Variants in CSMD1 observed in about 807,000 individuals in gnomAD.
CSMD1 encodes the protein CUB and Sushi multiple domains 1.
Under a neutral mutation model 417.5 loss-of-function variants are expected in CSMD1, and 213 were observed. That is an observed-to-expected ratio of 0.51 (90% CI 0.46 to 0.57). CSMD1 has a LOEUF of 0.57. Among genes scored for constraint, CSMD1 ranks in the 20% least tolerant of loss-of-function variants. The probability of loss-of-function intolerance (pLI) is 0.00; values close to 1 mark genes in which losing one functional copy is unlikely to be tolerated. For missense variants in CSMD1, 6,923 were observed against 4,529.7 expected (o/e 1.53, Z -15.17); for synonymous variants, 2,862 against 1,736.8 (o/e 1.65, Z -16.11).
intron 3 of CSMD1, among the ~76,000 whole-genome samples, chr8:4,185,738 G>C (rs911580021): frequency 6.6e-6 from 1 of 152,182 alleles, no homozygotes; most frequent in Non-Finnish European, 1.5e-5. Flanking sequence ...TCATGCCTTT[G>C]AAGAGCTATC....
intron 7 of CSMD1, among the ~76,000 whole-genome samples, chr8:3,696,068 AT>A (rs1800535565): frequency 6.6e-6 from 1 of 151,728 alleles, no homozygotes; most frequent in African/African-American, 2.4e-5. Flanking sequence ...AGATTTTCTT[AT>A]GGGGGACAGG....
chr8:4,866,037 G>A (rs1585233774), intron 1 of CSMD1, among the ~76,000 whole-genome samples: 1 of 151,972 alleles, frequency 6.6e-6, no homozygotes, highest in East Asian at 1.9e-4. Flanking sequence ...GTCATATTAA[G>A]TCTCTCAGTT....
intron 23 of CSMD1, among the ~76,000 whole-genome samples, chr8:3,309,656 G>A (rs1805174865): frequency 6.6e-6 from 1 of 152,088 alleles, no homozygotes; most frequent in South Asian, 2.1e-4. Flanking sequence ...GGGACCACAT[G>A]GTCTCTTTCC....
At chr8:3,136,534 G>A (rs1818101945) in intron 41 of CSMD1, among the ~76,000 whole-genome samples, 2 of 152,042 alleles carry the variant, frequency 1.3e-5, no homozygotes, top group South Asian at 2.1e-4. Flanking sequence ...CAAAGTGCTG[G>A]GATTACAGAC....
intron 44 of CSMD1, among the ~76,000 whole-genome samples, chr8:3,108,181 TGA>T (rs1816268001): frequency 6.6e-6 from 1 of 152,160 alleles, no homozygotes; most frequent in African/African-American, 2.4e-5. Flanking sequence ...GCAGTGTTCG[TGA>T]GAGATAAGCG....
At chr8:4,859,909 G>A (rs1215222757) in intron 1 of CSMD1, among the ~76,000 whole-genome samples, 5 of 152,086 alleles carry the variant, frequency 3.3e-5, no homozygotes, top group Admixed American at 6.6e-5. Context: ...CCCATTACTG[G>A]GTATATACCC....
At chr8:3,175,857 G>A (rs911969641) in intron 37 of CSMD1, among the ~76,000 whole-genome samples, 1 of 152,138 alleles carries the variant, frequency 6.6e-6, no homozygotes, top group Non-Finnish European at 1.5e-5. Flanking sequence ...TGTGAATTAG[G>A]AGAAAAAGTA....
At chr8:3,971,536 A>C (rs1813089626) in intron 5 of CSMD1, among the ~76,000 whole-genome samples, 1 of 152,204 alleles carries the variant, frequency 6.6e-6, no homozygotes, top group Non-Finnish European at 1.5e-5. Flanking sequence ...TTTAAATATG[A>C]AGCAGTCAAA....
At chr8:4,045,394 A>G (rs1798098830) in intron 3 of CSMD1, among the ~76,000 whole-genome samples, 1 of 152,202 alleles carries the variant, frequency 6.6e-6, no homozygotes, top group Non-Finnish European at 1.5e-5. Context: ...ACAGTGCTAC[A>G]TTACCGATCA....
At chr8:3,648,187 A>T (rs1222160064) in intron 7 of CSMD1, among the ~76,000 whole-genome samples, 2 of 152,184 alleles carry the variant, frequency 1.3e-5, no homozygotes, top group African/African-American at 4.8e-5. Flanking sequence ...AAATGTACAT[A>T]TGTGTATATT....
At chr8:3,009,994 T>C (rs1178190530) in intron 52 of CSMD1, among the ~76,000 whole-genome samples, 1 of 152,230 alleles carries the variant, frequency 6.6e-6, no homozygotes, top group Non-Finnish European at 1.5e-5. Flanking sequence ...ATGTAGTTCC[T>C]GAATATACCC....
chr8:3,735,193 C>T (rs982730111), intron 6 of CSMD1, among the ~76,000 whole-genome samples: 18 of 152,318 alleles, frequency 1.2e-4, no homozygotes, highest in Middle Eastern at 3.4e-3. Context: ...CACACGGTAA[C>T]GGGCAAGTTG....
At chr8:3,215,786 T>C (rs1797847319) in intron 29 of CSMD1, among the ~76,000 whole-genome samples, 1 of 151,766 alleles carries the variant, frequency 6.6e-6, no homozygotes, top group African/African-American at 2.4e-5. Flanking sequence ...ATAAATATAA[T>C]GGGAGAGGAA....
intron 1 of CSMD1, among the ~76,000 whole-genome samples, chr8:4,961,583 C>G (rs1321773834): frequency 1.3e-5 from 2 of 152,132 alleles, no homozygotes; most frequent in Non-Finnish European, 2.9e-5. Flanking sequence ...ATCTAGTGCT[C>G]ATGGTTACTG....
intron 28 of CSMD1, among the ~76,000 whole-genome samples, chr8:3,222,347 GC>G (rs1404035630): frequency 3.3e-5 from 5 of 151,406 alleles, no homozygotes; most frequent in Non-Finnish European, 7.4e-5. Context: ...CCAAGGTCTT[GC>G]TCTGTTGCTC....
At chr8:4,905,803 G>C (rs1030137815) in intron 1 of CSMD1, among the ~76,000 whole-genome samples, 13 of 131,198 alleles carry the variant, frequency 9.9e-5, no homozygotes, top group East Asian at 5.1e-4. Context: ...CTGGGCCACA[G>C]AGCGAGACTC....
intron 5 of CSMD1, among the ~76,000 whole-genome samples, chr8:3,872,698 T>G (rs1449830370): frequency 6.6e-6 from 1 of 152,270 alleles, no homozygotes; most frequent in South Asian, 2.1e-4. Context: ...TCGTGCTACT[T>G]AGAAGGCCTT....
intron 6 of CSMD1, among the ~76,000 whole-genome samples, chr8:3,746,645 AATTT>A (rs1273704885): frequency 1.3e-5 from 2 of 152,126 alleles, no homozygotes; most frequent in African/African-American, 4.8e-5. Flanking sequence ...ATCTTTCTTA[AATTT>A]ATTCTCTTGT....
intron 3 of CSMD1, among the ~76,000 whole-genome samples, chr8:4,330,493 G>A (rs1206620873): frequency 6.6e-6 from 1 of 151,500 alleles, no homozygotes; most frequent in Non-Finnish European, 1.5e-5. Context: ...AGGAGGCTGA[G>A]ACAGGAGGAT....
Sources: gnomAD v4.1 joint callset for allele counts (sites outside exome capture counted in the v4.1 genomes callset) on GRCh38, gnomAD v4.1.1 for gene constraint, MANE v1.5 for transcripts, NCBI Gene and HGNC (gene_info 2026-07-23, HGNC 2026-07-21) for gene names.